KIAA1328: variants seen among roughly 807,000 people sequenced by gnomAD.
KIAA1328 encodes protein hinderin.
Under a neutral mutation model 68.1 loss-of-function variants are expected in KIAA1328, and 52 were observed. The observed-to-expected ratio is 0.76, with a 90% CI of 0.61 to 0.96. The LOEUF is 0.96. Among genes scored for constraint, KIAA1328 ranks in the 40% least tolerant of loss-of-function variants. The pLI, the probability that KIAA1328 is intolerant of heterozygous loss-of-function variation, is 0.00. For synonymous variants in KIAA1328, 232 were observed against 239.4 expected (o/e 0.97, Z 0.28); for missense variants, 641 against 677.6 (o/e 0.95, Z 0.60).
chr18:36,980,339 C>G (rs1267983318), intron 6 of KIAA1328, among the ~76,000 whole-genome samples: 1 of 152,070 alleles, frequency 6.6e-6, no homozygotes. Context: ...AGACCTAGTT[C>G]CCTTCCCACA....
intron 5 of KIAA1328, among the ~76,000 whole-genome samples, chr18:36,951,541 A>G (rs1049232175): frequency 1.3e-5 from 2 of 152,164 alleles, no homozygotes; most frequent in Non-Finnish European, 2.9e-5. Flanking sequence ...CAGCCACCAC[A>G]TATAAAGTGA....
intron 9 of KIAA1328, among the ~76,000 whole-genome samples, chr18:37,194,528 T>C (rs1185834408): frequency 3.3e-5 from 5 of 152,212 alleles, no homozygotes; most frequent in African/African-American, 9.6e-5. Flanking sequence ...ATAGGTTGTG[T>C]AGCATTTTTT....
chr18:37,229,465 C>T, downstream of KIAA1328: 1 of 907,748 alleles, frequency 1.1e-6, no homozygotes, highest in Middle Eastern at 2.7e-4. Context: ...TGAAGTTTAG[C>T]AAAACTTGCC....
intron 7 of KIAA1328, among the ~76,000 whole-genome samples, chr18:37,156,048 G>T (rs1454625250): frequency 1.3e-5 from 2 of 151,908 alleles, no homozygotes; most frequent in African/African-American, 4.8e-5. Context: ...TACTGCATTT[G>T]GCATATGGTA....
At chr18:37,035,667 C>T (rs1170045766) in intron 6 of KIAA1328, among the ~76,000 whole-genome samples, 2 of 152,082 alleles carry the variant, frequency 1.3e-5, no homozygotes, top group Admixed American at 1.3e-4. Context: ...GAATCTCTTC[C>T]CGTATTATAG....
chr18:36,948,779 C>A (rs969726436), intron 5 of KIAA1328, among the ~76,000 whole-genome samples: 21 of 151,702 alleles, frequency 1.4e-4, no homozygotes, highest in African/African-American at 4.4e-4. Flanking sequence ...GAACTTCCAA[C>A]CTCTGGTGAT....
At chr18:36,875,926 C>CAT (rs59588008) in intron 4 of KIAA1328, among the ~76,000 whole-genome samples, 20,690 of 151,198 alleles carry the variant, frequency 0.14, 1,744 homozygotes, top group Admixed American at 0.19. Flanking sequence ...TTGAGGTAAT[C>CAT]GTGGTTTTTG....
chr18:36,988,435 G>A (rs900080743), intron 6 of KIAA1328, among the ~76,000 whole-genome samples: 47 of 152,270 alleles, frequency 3.1e-4, no homozygotes, highest in African/African-American at 1.1e-3. Context: ...ACAGACACCT[G>A]TCATCGTAAC....
At chr18:36,918,470 T>C (rs1598709283) in intron 5 of KIAA1328, among the ~76,000 whole-genome samples, 1 of 148,884 alleles carries the variant, frequency 6.7e-6, no homozygotes, top group African/African-American at 2.5e-5. Context: ...TAGAGTGCAG[T>C]GGTGCAATCT....
chr18:36,841,145 C>G (rs1041780531), intron 3 of KIAA1328, among the ~76,000 whole-genome samples: 6 of 151,960 alleles, frequency 3.9e-5, no homozygotes, highest in African/African-American at 1.2e-4. Context: ...CTACTGTTCC[C>G]AGTCATTGGT....
intron 7 of KIAA1328, among the ~76,000 whole-genome samples, chr18:37,104,145 G>C (rs564579602): frequency 1.3e-5 from 2 of 152,260 alleles, no homozygotes; most frequent in African/African-American, 4.8e-5. Context: ...ACTACATTAT[G>C]ATCCAGCCAT....
chr18:36,841,609 G>A (rs560616042), intron 3 of KIAA1328, among the ~76,000 whole-genome samples: 2 of 152,058 alleles, frequency 1.3e-5, no homozygotes, highest in South Asian at 4.2e-4. Context: ...CTATAAATTG[G>A]ACAGGTAGTA....
intron 9 of KIAA1328, among the ~76,000 whole-genome samples, chr18:37,180,493 T>C (rs2059678940): frequency 6.6e-6 from 1 of 152,168 alleles, no homozygotes. Context: ...TACTTTAACA[T>C]TGGAATTTGT....
At chr18:37,026,502 G>T (rs933115192) in intron 6 of KIAA1328, among the ~76,000 whole-genome samples, 2 of 152,154 alleles carry the variant, frequency 1.3e-5, no homozygotes. Context: ...GAATCCAGCA[G>T]CATATCAGAA....
intron 6 of KIAA1328, among the ~76,000 whole-genome samples, chr18:37,032,108 A>G (rs2054853002): frequency 6.6e-6 from 1 of 152,190 alleles, no homozygotes; most frequent in South Asian, 2.1e-4. Context: ...GGAGCCCAGG[A>G]GGCCAAGGCT....
chr18:37,088,929 T>C (rs1167430420), intron 7 of KIAA1328, among the ~76,000 whole-genome samples: 1 of 152,182 alleles, frequency 6.6e-6, no homozygotes, highest in Non-Finnish European at 1.5e-5. Context: ...CTGACTGTCT[T>C]GGTTGAATTA....
intron 7 of KIAA1328, among the ~76,000 whole-genome samples, chr18:37,139,156 G>A (rs946344143): frequency 2.0e-5 from 3 of 151,654 alleles, no homozygotes; most frequent in African/African-American, 7.3e-5. Flanking sequence ...GTAGAGACGG[G>A]GTTTCACCTT....
intron 6 of KIAA1328, among the ~76,000 whole-genome samples, chr18:36,976,677 A>G (rs2052486068): frequency 6.6e-6 from 1 of 151,932 alleles, no homozygotes; most frequent in Non-Finnish European, 1.5e-5. Flanking sequence ...ATAATTAATT[A>G]GAATACTATA....
In KIAA1328 at chr18:37,160,271, C is replaced by T; in HGVS notation, c.1304C>T (p.Pro435Leu). The T allele has an allele frequency of 6.2e-7, 1 of 1,613,642 alleles. No homozygotes were observed. Among genetic ancestry groups the T allele is most frequent in the Non-Finnish European group, 8.5e-7 (1 of 1,179,716 alleles). The change falls in exon 8 of 10, where the codon CCA becomes CTA. Residue 435 changes from proline to leucine, a missense_variant. By Grantham distance (98) the Pro-to-Leu change is moderately conservative (BLOSUM62 -3). Coordinates refer to ENST00000280020, the MANE Select transcript of KIAA1328 (RefSeq NM_020776.3). Reference protein sequence around the residue: ...SSSIKKHQDPPNSGENRKERK... With the variant: ...SSSIKKHQDPLNSGENRKERK... The stretch of plus-strand genomic sequence containing the variant: ...TCTATTAAAAAGCACCAAGACCCCC[C>T]AAACAGTGGAGAGAATAGGAAGGAG...
Sources: gnomAD v4.1 joint callset for allele counts (sites outside exome capture counted in the v4.1 genomes callset) on GRCh38, gnomAD v4.1.1 for gene constraint, MANE v1.5 for transcripts, NCBI Gene and HGNC (gene_info 2026-07-23, HGNC 2026-07-21) for gene names.